TENM3: variants seen among roughly 807,000 people sequenced by gnomAD.
TENM3 encodes teneurin-3.
TENM3 carries 63 observed loss-of-function variants against 255.1 expected under a neutral mutation model. The observed-to-expected ratio is 0.25, with a 90% confidence interval of 0.20 to 0.30. The LOEUF (loss-of-function observed/expected upper bound fraction) is 0.30. TENM3 is among the 10% of genes least tolerant of loss of function. The pLI, the probability that TENM3 is intolerant of heterozygous loss-of-function variation, is 1.00. For missense variants in TENM3, 2,929 were observed against 3,461.1 expected, an observed-to-expected ratio of 0.85 and a Z score of 3.86; for synonymous variants, 1,306 against 1,322.3, an observed-to-expected ratio of 0.99 and a Z score of 0.27.
At position 182,751,888 on chromosome 4, in the gene TENM3, C is replaced by T. The variant is rs371216332; in HGVS notation, c.3718C>T (p.Arg1240Cys). The change falls in exon 20 of 28, where the codon CGC becomes TGC. Residue 1240 changes from arginine (R) to cysteine (C), a missense_variant. Arg to Cys is a radical substitution (Grantham distance 180, BLOSUM62 -3). Around this residue, in one of 6 missense-constraint regions of TENM3, gnomAD observed 1,608 missense variants for 1,884.4 expected, o/e 0.85. Coordinates refer to ENST00000511685, the MANE Select transcript of TENM3 (RefSeq NM_001080477.4). ...VSDTNTRRIYRPKSLTGAKDL... is the reference protein window; with the variant it reads ...VSDTNTRRIYCPKSLTGAKDL... ...TGACACAAACACCCGCAGAATTTAT[C>T]GCCCAAAGTCACTTACGGGGGCAAA... 7.4e-6 allele frequency: 12 copies of T among 1,613,680 alleles called. No homozygotes were observed. Among genetic ancestry groups the T allele is most frequent in the Admixed American group, 5.0e-5 (3 of 59,978 alleles).
chr4:182,262,538 C>A (rs532991118), intron 1 of TENM3, among the ~76,000 whole-genome samples: 7 of 152,036 alleles, frequency 4.6e-5, no homozygotes, highest in Non-Finnish European at 8.8e-5. Flanking sequence ...ACCAGCGCCA[C>A]GACAATTTAC....
At chr4:182,072,428 A>G in the TENM3 span, among the ~76,000 whole-genome samples, 1 of 152,200 alleles carries the variant, frequency 6.6e-6, no homozygotes, top group African/African-American at 2.4e-5. Context: ...TTGAGCTTGG[A>G]CTTCCAGCCT....
chr4:182,472,510 C>T (rs1038586430), intron 3 of TENM3, among the ~76,000 whole-genome samples: 2 of 152,044 alleles, frequency 1.3e-5, no homozygotes, highest in Admixed American at 1.3e-4. Context: ...GATATGTAAG[C>T]TTTTTAAAGA....
At chr4:182,625,923 T>C (rs1192353486) in intron 4 of TENM3, among the ~76,000 whole-genome samples, 1 of 152,196 alleles carries the variant, frequency 6.6e-6, no homozygotes, top group African/African-American at 2.4e-5. Context: ...TCTAGCCCTG[T>C]TCCTTACTTT....
the TENM3 span, among the ~76,000 whole-genome samples, chr4:181,753,275 T>C: frequency 7.9e-5 from 12 of 152,184 alleles, no homozygotes; most frequent in Non-Finnish European, 1.3e-4. Context: ...GAATCCTATA[T>C]AATCAGACAC....
chr4:181,588,255 G>A, the TENM3 span, among the ~76,000 whole-genome samples: 865 of 152,304 alleles, frequency 5.7e-3, 11 homozygotes, highest in African/African-American at 0.02. Context: ...TCAAACATCT[G>A]AAGTTCACAT....
At chr4:182,272,802 T>C (rs1405055473) in intron 1 of TENM3, among the ~76,000 whole-genome samples, 5 of 152,124 alleles carry the variant, frequency 3.3e-5, no homozygotes, top group African/African-American at 9.7e-5. Context: ...ACTGCAATGA[T>C]TTCAGCTTGG....
chr4:181,949,739 G>A, the TENM3 span, among the ~76,000 whole-genome samples: 16 of 152,104 alleles, frequency 1.1e-4, no homozygotes, highest in Non-Finnish European at 2.4e-4. Context: ...CAATGGGCCT[G>A]CCCTCACCCA....
At chr4:182,706,966 A>C (rs555113371) in intron 12 of TENM3, among the ~76,000 whole-genome samples, 5 of 152,150 alleles carry the variant, frequency 3.3e-5, no homozygotes, top group African/African-American at 1.2e-4. Flanking sequence ...ATCCAAAAAA[A>C]AAAAAACAAA....
the TENM3 span, among the ~76,000 whole-genome samples, chr4:181,483,424 G>A: frequency 2.6e-5 from 4 of 152,242 alleles, no homozygotes; most frequent in South Asian, 2.1e-4. Flanking sequence ...GATTAAATCC[G>A]TAGCTTTAAT....
intron 1 of TENM3, among the ~76,000 whole-genome samples, chr4:182,297,467 C>G (rs1761566393): frequency 6.6e-6 from 1 of 152,136 alleles, no homozygotes; most frequent in Non-Finnish European, 1.5e-5. Flanking sequence ...TTCCATTCCT[C>G]AATACAGGAT....
chr4:182,062,085 T>A, the TENM3 span, among the ~76,000 whole-genome samples: 1 of 152,206 alleles, frequency 6.6e-6, no homozygotes, highest in African/African-American at 2.4e-5. Flanking sequence ...CTGGTTATAT[T>A]ATATGTATTT....
intron 1 of TENM3, among the ~76,000 whole-genome samples, chr4:182,218,403 T>G (rs2149943030): frequency 6.6e-6 from 1 of 152,316 alleles, no homozygotes; most frequent in Non-Finnish European, 1.5e-5. Context: ...TTACGATAAT[T>G]TCATGATAAC....
At chr4:181,922,605 T>C in the TENM3 span, among the ~76,000 whole-genome samples, 4 of 152,202 alleles carry the variant, frequency 2.6e-5, no homozygotes, top group Non-Finnish European at 5.9e-5. Flanking sequence ...TTTTATTGTA[T>C]CTGTTTGATT....
the TENM3 span, among the ~76,000 whole-genome samples, chr4:181,895,578 TC>T: frequency 6.9e-6 from 1 of 144,072 alleles, no homozygotes; most frequent in African/African-American, 2.6e-5. Context: ...AGGATCTTGC[TC>T]TGTTGCCCAG....
chr4:182,044,153 C>A, the TENM3 span, among the ~76,000 whole-genome samples: 1 of 151,888 alleles, frequency 6.6e-6, no homozygotes, highest in Non-Finnish European at 1.5e-5. Context: ...GATGAGGAAA[C>A]AAAAGTTACC....
the TENM3 span, among the ~76,000 whole-genome samples, chr4:181,713,934 G>T: frequency 6.6e-6 from 1 of 152,134 alleles, no homozygotes; most frequent in African/African-American, 2.4e-5. Context: ...GATCAAATAA[G>T]TTTCACAGGT....
the TENM3 span, among the ~76,000 whole-genome samples, chr4:181,829,750 C>G: frequency 2.0e-5 from 3 of 152,314 alleles, no homozygotes; most frequent in Non-Finnish European, 4.4e-5. Flanking sequence ...GCCCACCCCA[C>G]AGGAGCAAGC....
chr4:181,634,888 G>T, the TENM3 span, among the ~76,000 whole-genome samples: 1 of 152,002 alleles, frequency 6.6e-6, no homozygotes, highest in Admixed American at 6.6e-5. Flanking sequence ...GTATTATTTT[G>T]AAGTAAGCAT....
Sources: gnomAD v4.1 joint callset for allele counts (sites outside exome capture counted in the v4.1 genomes callset) on GRCh38, gnomAD v4.1.1 for gene constraint, gnomAD v4.1.1 regional missense constraint, MANE v1.5 for transcripts, NCBI Gene and HGNC (gene_info 2026-07-23, HGNC 2026-07-21) for gene names.